Variants in GRIK2 observed in about 807,000 individuals in gnomAD.
GRIK2 encodes glutamate ionotropic receptor kainate type subunit 2, also known as glutamate receptor ionotropic, kainate 2.
Under a neutral mutation model 100.3 loss-of-function variants are expected in GRIK2, and 32 were observed. The ratio of observed to expected loss-of-function variants is 0.32; its 90% CI spans 0.24 to 0.43. GRIK2 has a LOEUF of 0.43. Among genes scored for constraint, GRIK2 ranks in the 20% least tolerant of loss-of-function variants. GRIK2 has a pLI of 1.00. For missense variants in GRIK2, 843 were observed against 1,114.9 expected (o/e 0.76, Z 3.47); for synonymous variants, 417 against 389.4 (o/e 1.07, Z -0.83).
intron 2 of GRIK2, among the ~76,000 whole-genome samples, chr6:101,511,977 T>C (rs1238301747): frequency 6.6e-6 from 1 of 151,796 alleles, no homozygotes. Flanking sequence ...AAAAAGTTGG[T>C]CTCCAGAAGT....
chr6:101,576,381 TTATGAGGTG>T (rs1342562632), intron 2 of GRIK2, among the ~76,000 whole-genome samples: 2 of 152,080 alleles, frequency 1.3e-5, no homozygotes, highest in Non-Finnish European at 2.9e-5. Context: ...TTTATGATGT[TTATGAGGTG>T]ATAATTGTTA....
chr6:101,426,048 A>G (rs1444647657), intron 2 of GRIK2, among the ~76,000 whole-genome samples: 1 of 152,112 alleles, frequency 6.6e-6, no homozygotes, highest in Non-Finnish European at 1.5e-5. Context: ...CTTTACCCAC[A>G]TCTATTGAGA....
At chr6:101,808,933 GA>G (rs1188788577) in intron 9 of GRIK2, among the ~76,000 whole-genome samples, 3 of 150,664 alleles carry the variant, frequency 2.0e-5, no homozygotes. Context: ...AAAAAATACA[GA>G]AAGACATTTT....
At chr6:101,810,730 C>T (rs1279328809) in intron 9 of GRIK2, among the ~76,000 whole-genome samples, 5 of 148,146 alleles carry the variant, frequency 3.4e-5, no homozygotes, top group Non-Finnish European at 4.4e-5. Context: ...GGTTATTAGA[C>T]GGTAATGCAA....
rs986947774 is a variant in GRIK2, at chr6:101,465,171, AAT to A, written c.115+65784_115+65785del. 3.9e-5 allele frequency among the ~76,000 whole-genome samples: 6 copies of A among 152,284 alleles called. No individual in the cohort carries two copies. In the East Asian group the frequency reaches 9.7e-4, roughly 25 times the overall value. ...GGTACAAGTATAGTTGTATTACATG[AAT>A]ATATCGTGTAGGAGTGAAGTCTGAG... is the stretch of plus-strand genomic sequence containing the variant. On this transcript the variant is annotated intron_variant, in intron 2 of 16. Coordinates refer to ENST00000369134, the MANE Select transcript of GRIK2 (RefSeq NM_021956.5).
chr6:101,410,095 A>T (rs1392009940), intron 2 of GRIK2, among the ~76,000 whole-genome samples: 1 of 152,118 alleles, frequency 6.6e-6, no homozygotes, highest in Non-Finnish European at 1.5e-5. Context: ...TATATACAAC[A>T]TCAGAAGAAA....
chr6:101,907,636 C>T (rs1358937057), intron 12 of GRIK2, among the ~76,000 whole-genome samples: 25 of 151,044 alleles, frequency 1.7e-4, no homozygotes, highest in Non-Finnish European at 3.0e-5. Context: ...CTTTAATACT[C>T]GTAGCTAACA....
intron 10 of GRIK2, among the ~76,000 whole-genome samples, chr6:101,853,988 T>G (rs1251544562): frequency 6.6e-6 from 1 of 152,150 alleles, no homozygotes; most frequent in Non-Finnish European, 1.5e-5. Context: ...TATTTTGTAT[T>G]GATACTACAA....
At chr6:101,602,006 T>A (rs1158771901) in intron 2 of GRIK2, among the ~76,000 whole-genome samples, 1 of 151,702 alleles carries the variant, frequency 6.6e-6, no homozygotes, top group Non-Finnish European at 1.5e-5. Flanking sequence ...TCCCTAGGAG[T>A]GATGTTAAAT....
intron 9 of GRIK2, among the ~76,000 whole-genome samples, chr6:101,806,275 C>A (rs1357011706): frequency 6.6e-6 from 1 of 152,088 alleles, no homozygotes; most frequent in East Asian, 1.9e-4. Context: ...ATTTTCCAAG[C>A]TTGAATTCTT....
chr6:101,772,829 T>C (rs1439135294), intron 7 of GRIK2, among the ~76,000 whole-genome samples: 1 of 152,082 alleles, frequency 6.6e-6, no homozygotes, highest in Non-Finnish European at 1.5e-5. Context: ...AGTACCCTTC[T>C]ATTACCCTGC....
chr6:101,427,874 G>A (rs1769130474), intron 2 of GRIK2, among the ~76,000 whole-genome samples: 1 of 152,064 alleles, frequency 6.6e-6, no homozygotes, highest in Admixed American at 6.5e-5. Flanking sequence ...AAAGATGTTG[G>A]TGGTCTCTGT....
chr6:101,627,173 ACT>A (rs1780504217), intron 4 of GRIK2, among the ~76,000 whole-genome samples: 1 of 150,408 alleles, frequency 6.6e-6, no homozygotes, highest in Non-Finnish European at 1.5e-5. Flanking sequence ...AGATAGAGTC[ACT>A]CTGTCGCCCA....
intron 2 of GRIK2, among the ~76,000 whole-genome samples, chr6:101,608,784 G>GGGGTGT (rs1281112717): frequency 3.4e-4 from 48 of 142,050 alleles, no homozygotes; most frequent in African/African-American, 1.2e-3. Context: ...CTCATAGAGG[G>GGGGTGT]GTGTGTGTGT....
chr6:101,639,401 T>G (rs984649346), intron 4 of GRIK2, among the ~76,000 whole-genome samples: 2 of 152,170 alleles, frequency 1.3e-5, no homozygotes, highest in African/African-American at 4.8e-5. Context: ...TAGGTTTAAA[T>G]TTAATCCAGA....
At chr6:101,839,131 T>A (rs1348062108) in intron 10 of GRIK2, among the ~76,000 whole-genome samples, 1 of 152,188 alleles carries the variant, frequency 6.6e-6, no homozygotes, top group Non-Finnish European at 1.5e-5. Context: ...CATATCTGAA[T>A]TTTGTGCCTA....
intron 2 of GRIK2, among the ~76,000 whole-genome samples, chr6:101,416,280 A>G (rs558745041): frequency 6.6e-6 from 1 of 152,174 alleles, no homozygotes; most frequent in Admixed American, 6.5e-5. Flanking sequence ...GTTTTCTACA[A>G]TTGTAGGCTA....
chr6:101,649,806 A>G (rs1290668929), intron 4 of GRIK2, among the ~76,000 whole-genome samples: 1 of 152,108 alleles, frequency 6.6e-6, no homozygotes, highest in Admixed American at 6.6e-5. Context: ...AGCCCAGAGT[A>G]TGATTCTGGA....
chr6:101,788,738 G>A (rs1402062774), intron 7 of GRIK2, among the ~76,000 whole-genome samples: 1 of 152,140 alleles, frequency 6.6e-6, no homozygotes, highest in Non-Finnish European at 1.5e-5. Context: ...TAATGGGATG[G>A]CTGGGTCAAA....
Sources: gnomAD v4.1 joint callset for allele counts (sites outside exome capture counted in the v4.1 genomes callset) on GRCh38, gnomAD v4.1.1 for gene constraint, MANE v1.5 for transcripts, NCBI Gene and HGNC (gene_info 2026-07-23, HGNC 2026-07-21) for gene names.